The following ZNF521 variants were observed in gnomAD, a reference collection of about 807,000 sequenced individuals.
The protein encoded by ZNF521 is LYST-interacting protein 3.
ZNF521 carries 14 observed loss-of-function variants against 105.5 expected under a neutral mutation model. That is an observed-to-expected ratio of 0.13 (90% CI 0.09 to 0.21). ZNF521 has a LOEUF of 0.21. ZNF521 is among the 10% of genes least tolerant of loss of function. The pLI is 1.00. For synonymous variants in ZNF521, 635 were observed against 606.0 expected (o/e 1.05, Z -0.70); for missense variants, 1,233 against 1,629.7 (o/e 0.76, Z 4.19).
In ZNF521 at chr18:25,351,030, G is replaced by C. The variant is rs1184578615; in HGVS notation, c.-1-83C>G. On this transcript the variant is annotated intron_variant, in intron 1 of 7. Coordinates refer to ENST00000361524, the MANE Select transcript of ZNF521 (RefSeq NM_015461.3). ...CGTGGCCGCGCGCCCCTCGGGCCGC[G>C]GCGCCTCGCGCCCTCCGCTCGGCCT... The C allele has an allele frequency of 8.4e-6, 10 of 1,187,588 alleles. No individual in the cohort carries two copies. The East Asian group carries it at 1.2e-4, about 14-fold the overall frequency. The allele number at this position is 1,187,588 out of a possible 1,614,324, so 73.6% of individuals were successfully genotyped here. A position where few individuals can be genotyped will look rare whatever the true frequency, so the allele number is the denominator to read the frequency against.
chr18:25,186,928 G>GAA (rs2035734003), intron 5 of ZNF521, among the ~76,000 whole-genome samples: 10 of 143,574 alleles, frequency 7.0e-5, no homozygotes, highest in Non-Finnish European at 6.1e-5. Flanking sequence ...AAAAGAAAAA[G>GAA]AAAGAAAAAG....
intron 5 of ZNF521, among the ~76,000 whole-genome samples, chr18:25,138,736 G>A (rs911483444): frequency 3.3e-5 from 5 of 152,124 alleles, no homozygotes; most frequent in Non-Finnish European, 5.9e-5. Flanking sequence ...TCAATGCCCC[G>A]ATTTAACATA....
intron 7 of ZNF521, among the ~76,000 whole-genome samples, chr18:25,064,682 C>T (rs2033006347): frequency 6.6e-6 from 1 of 152,150 alleles, no homozygotes; most frequent in East Asian, 1.9e-4. Flanking sequence ...CTGCCTGCTC[C>T]CTGAATACAG....
At chr18:25,258,167 C>G (rs1370549488) in intron 3 of ZNF521, among the ~76,000 whole-genome samples, 4 of 152,186 alleles carry the variant, frequency 2.6e-5, no homozygotes, top group African/African-American at 9.7e-5. Context: ...ACACCACTTC[C>G]TGTTCGTTAC....
intron 5 of ZNF521, among the ~76,000 whole-genome samples, chr18:25,167,469 T>C: frequency 6.6e-6 from 1 of 152,220 alleles, no homozygotes; most frequent in East Asian, 1.9e-4. Flanking sequence ...AAAACCTACC[T>C]GACCAAAATT....
At chr18:25,106,969 A>G (rs530185125) in intron 5 of ZNF521, among the ~76,000 whole-genome samples, 2 of 152,230 alleles carry the variant, frequency 1.3e-5, no homozygotes, top group Admixed American at 6.5e-5. Flanking sequence ...TATAGTGTAC[A>G]GAAGAGACAG....
At chr18:25,316,922 T>C (rs1912664762) in intron 3 of ZNF521, among the ~76,000 whole-genome samples, 1 of 149,132 alleles carries the variant, frequency 6.7e-6, no homozygotes, top group East Asian at 2.0e-4. Flanking sequence ...TGACACGATA[T>C]CAGCTCACTG....
chr18:25,273,161 A>C (rs1909780585), intron 3 of ZNF521, among the ~76,000 whole-genome samples: 1 of 134,328 alleles, frequency 7.4e-6, no homozygotes, highest in South Asian at 2.7e-4. Flanking sequence ...CAGGATACGA[A>C]GGTTGCAGTG....
At chr18:25,069,585 G>T (rs1263937353) in intron 7 of ZNF521, among the ~76,000 whole-genome samples, 1 of 152,108 alleles carries the variant, frequency 6.6e-6, no homozygotes, top group Non-Finnish European at 1.5e-5. Context: ...GAAATCTGGG[G>T]TAATTGTGTT....
intron 3 of ZNF521, among the ~76,000 whole-genome samples, chr18:25,259,788 G>A (rs577417385): frequency 2.0e-5 from 3 of 152,312 alleles, no homozygotes; most frequent in Admixed American, 1.3e-4. Context: ...AGAGAATGTG[G>A]TCGTGGACGC....
intron 3 of ZNF521, among the ~76,000 whole-genome samples, chr18:25,268,723 A>G (rs1458792445): frequency 6.6e-6 from 1 of 152,206 alleles, no homozygotes; most frequent in African/African-American, 2.4e-5. Flanking sequence ...ACAAACAAGC[A>G]AATACTGAGA....
At chr18:25,229,812 A>C (rs1906418222) in intron 3 of ZNF521, among the ~76,000 whole-genome samples, 1 of 152,240 alleles carries the variant, frequency 6.6e-6, no homozygotes, top group African/African-American at 2.4e-5. Flanking sequence ...GAAAACAGTG[A>C]ATCAGAATTT....
chr18:25,224,149 A>G (rs765578393), intron 4 of ZNF521, 196 bp downstream of exon 4: 9 of 605,050 alleles, frequency 1.5e-5, no homozygotes, highest in Non-Finnish European at 2.6e-5. Flanking sequence ...ATTTTGCACC[A>G]TTCAAGCCAA....
chr18:25,072,570 A>G (rs1379592601), intron 7 of ZNF521, among the ~76,000 whole-genome samples: 1 of 152,222 alleles, frequency 6.6e-6, no homozygotes, highest in Non-Finnish European at 1.5e-5. Flanking sequence ...GGCGAAAAAG[A>G]GCAAAATGGC....
intron 3 of ZNF521, among the ~76,000 whole-genome samples, chr18:25,289,149 G>A (rs1446694465): frequency 6.6e-6 from 1 of 152,054 alleles, no homozygotes; most frequent in Non-Finnish European, 1.5e-5. Context: ...CAAAATGAAT[G>A]ATGAAATTCG....
At chr18:25,344,647 G>A (rs1461190051) in intron 2 of ZNF521, among the ~76,000 whole-genome samples, 2 of 152,182 alleles carry the variant, frequency 1.3e-5, no homozygotes, top group Admixed American at 6.5e-5. Context: ...CTACAGGTTT[G>A]ACGTGGAATA....
chr18:25,241,151 A>C (rs773323711), intron 3 of ZNF521, among the ~76,000 whole-genome samples: 1 of 152,058 alleles, frequency 6.6e-6, no homozygotes, highest in Non-Finnish European at 1.5e-5. Flanking sequence ...ATAACCCCAT[A>C]CTTTCACCTG....
At chr18:25,075,407 T>C (rs1476237817) in intron 7 of ZNF521, among the ~76,000 whole-genome samples, 1 of 152,200 alleles carries the variant, frequency 6.6e-6, no homozygotes, top group Non-Finnish European at 1.5e-5. Context: ...TCTCTTTCCG[T>C]GCAACTTTCC....
intron 7 of ZNF521, among the ~76,000 whole-genome samples, chr18:25,083,876 T>G (rs2033560098): frequency 6.7e-6 from 1 of 148,182 alleles, no homozygotes; most frequent in Non-Finnish European, 1.5e-5. Flanking sequence ...GTTCAGGTGA[T>G]CCTCCCACCT....
Sources: allele counts gnomAD v4.1 joint callset (sites outside exome capture counted in the v4.1 genomes callset), GRCh38; gene constraint gnomAD v4.1.1; transcripts MANE v1.5; gene names NCBI Gene and HGNC (gene_info 2026-07-23, HGNC 2026-07-21).